The following NRG1 variants were observed in gnomAD, a reference collection of about 807,000 sequenced individuals.
The protein encoded by NRG1 is neuregulin 1, also known as pro-neuregulin-1, membrane-bound isoform.
A neutral mutation model predicts 63.8 loss-of-function variants in NRG1; 18 were observed. The observed-to-expected ratio is 0.28, with a 90% CI of 0.19 to 0.42. The LOEUF (loss-of-function observed/expected upper bound fraction) is 0.42, where lower values mean the gene tolerates loss of function less well. NRG1 is among the 10% of genes least tolerant of loss of function. NRG1 has a pLI of 1.00. For missense variants in NRG1, 762 were observed against 814.7 expected (o/e 0.94, Z 0.79); for synonymous variants, 302 against 301.3 (o/e 1.00, Z -0.02).
At chr8:31,959,320 A>G (rs377201028) in intron 1 of NRG1, among the ~76,000 whole-genome samples, 54 of 152,308 alleles carry the variant, frequency 3.5e-4, no homozygotes, top group East Asian at 1.4e-3. Context: ...GTATAAAACT[A>G]TCAGTCAGGT....
At chr8:31,986,939 A>T (rs1170793307) in intron 1 of NRG1, among the ~76,000 whole-genome samples, 1 of 152,152 alleles carries the variant, frequency 6.6e-6, no homozygotes, top group East Asian at 1.9e-4. Flanking sequence ...ATTCAAGTAG[A>T]GTGCTATAAT....
Position 31,841,874 on chromosome 8 carries a change from T to C in NRG1, c.37+202443T>C, listed in dbSNP as rs74464213. On this transcript the variant is annotated intron_variant, in intron 1 of 10. Transcript: ENST00000519301. ...CAGATAACATCAGGCTGCAGAGTTTTAGAGACCAACTCCTTCAGTGATTTT... is the reference window on the plus strand; with the variant it reads ...CAGATAACATCAGGCTGCAGAGTTTCAGAGACCAACTCCTTCAGTGATTTT... Among the ~76,000 whole-genome samples the C allele has an allele frequency of 4.8e-3, 725 of 152,300 alleles. 8 individuals carry two copies. Among genetic ancestry groups the C allele is most frequent in the African/African-American group, 0.016 (683 of 41,564 alleles).
chr8:32,726,075 T>C (rs1019405937), intron 5 of NRG1, among the ~76,000 whole-genome samples: 1 of 152,162 alleles, frequency 6.6e-6, no homozygotes, highest in Non-Finnish European at 1.5e-5. Flanking sequence ...TGCCTTGAAA[T>C]GTATTTTGAA....
intron 1 of NRG1, among the ~76,000 whole-genome samples, chr8:32,477,674 A>C (rs977671796): frequency 6.6e-6 from 1 of 152,172 alleles, no homozygotes; most frequent in Non-Finnish European, 1.5e-5. Context: ...AGTAGGTTAG[A>C]TGGGGTGGTG....
chr8:31,652,994 CCTCTCCTCT>C (rs1200010259), intron 1 of NRG1, among the ~76,000 whole-genome samples: 9 of 87,944 alleles, frequency 1.0e-4, no homozygotes, highest in African/African-American at 1.7e-4. Flanking sequence ...CCTCTCCTCT[CCTCTCCTCT>C]CCTCCCCTCC....
intron 1 of NRG1, among the ~76,000 whole-genome samples, chr8:32,137,706 C>T (rs1356083032): frequency 2.0e-5 from 3 of 152,010 alleles, no homozygotes; most frequent in African/African-American, 7.2e-5. Flanking sequence ...CCTTGATAAC[C>T]CCTGATGCAC....
intron 1 of NRG1, among the ~76,000 whole-genome samples, chr8:31,684,801 A>G (rs2131084376): frequency 6.6e-6 from 1 of 152,260 alleles, no homozygotes. Context: ...GAAAAATATA[A>G]ATAGCATACC....
intron 1 of NRG1, among the ~76,000 whole-genome samples, chr8:31,994,714 G>A (rs572113299): frequency 6.8e-6 from 1 of 146,098 alleles, no homozygotes; most frequent in East Asian, 2.1e-4. Context: ...AAGCTGCTTG[G>A]TAATACCTTA....
chr8:32,295,695 A>T (rs1289120351), intron 1 of NRG1, among the ~76,000 whole-genome samples: 3 of 152,162 alleles, frequency 2.0e-5, no homozygotes, highest in Non-Finnish European at 2.9e-5. Context: ...TCACGCCTGT[A>T]ATCCCAGCAC....
chr8:32,720,820 A>C (rs1265565370), intron 5 of NRG1, among the ~76,000 whole-genome samples: 3 of 152,148 alleles, frequency 2.0e-5, no homozygotes, highest in African/African-American at 4.8e-5. Flanking sequence ...CAGAAAAAAA[A>C]CAGCAACTTG....
intron 1 of NRG1, among the ~76,000 whole-genome samples, chr8:31,898,576 C>T (rs913986555): frequency 4.6e-5 from 7 of 152,092 alleles, no homozygotes; most frequent in Non-Finnish European, 1.0e-4. Flanking sequence ...CAGTGGTGCA[C>T]ACCTGTAATC....
intron 1 of NRG1, among the ~76,000 whole-genome samples, chr8:31,846,636 T>C (rs1017660738): frequency 6.6e-6 from 1 of 152,196 alleles, no homozygotes; most frequent in Non-Finnish European, 1.5e-5. Flanking sequence ...TGGAACATAA[T>C]GTACAATGGA....
chr8:31,655,124 G>A (rs1805303642), intron 1 of NRG1, among the ~76,000 whole-genome samples: 1 of 152,096 alleles, frequency 6.6e-6, no homozygotes, highest in Admixed American at 6.6e-5. Flanking sequence ...AACAAATGTA[G>A]GTGGCTAATA....
intron 1 of NRG1, among the ~76,000 whole-genome samples, chr8:32,394,029 T>A (rs1197789934): frequency 6.6e-6 from 1 of 152,216 alleles, no homozygotes; most frequent in Non-Finnish European, 1.5e-5. Flanking sequence ...CGTGCATCTC[T>A]TATTCCTTCT....
At chr8:32,420,158 C>CACACACAAGCA (rs1816510028) in intron 1 of NRG1, among the ~76,000 whole-genome samples, 1 of 152,136 alleles carries the variant, frequency 6.6e-6, no homozygotes, top group Non-Finnish European at 1.5e-5. Context: ...CAAGGACTTT[C>CACACACAAGCA]AGTGTGACCA....
chr8:32,414,959 T>G (rs975562259), intron 1 of NRG1, among the ~76,000 whole-genome samples: 1 of 152,134 alleles, frequency 6.6e-6, no homozygotes, highest in Non-Finnish European at 1.5e-5. Flanking sequence ...ATCTCATCCA[T>G]GTCCTTCATT....
chr8:32,748,356 CACAGAGAG>C (rs1335974983), intron 7 of NRG1, among the ~76,000 whole-genome samples: 2 of 81,000 alleles, frequency 2.5e-5, no homozygotes, highest in Non-Finnish European at 5.5e-5. Flanking sequence ...CACACACACA[CACAGAGAG>C]AGAGAGAGAG....
rs114985976 is a variant in NRG1 at position 31,810,650 on chromosome 8, C to G, written c.37+171219C>G. ...TGCACCTCCTCAGAAAAGGATTGCT[C>G]TCATCCAGTTATCATCCACTGTCCC... On this transcript the variant is annotated intron_variant, in intron 1 of 10. Coordinates refer to the NRG1 transcript ENST00000519301. 3.8e-3 allele frequency among the ~76,000 whole-genome samples: 585 copies of G among 152,286 alleles called. 4 individuals are homozygous for G. Among genetic ancestry groups the G allele is most frequent in the African/African-American group, 0.014 (561 of 41,548 alleles).
At chr8:32,729,786 G>A (rs1249700342) in intron 6 of NRG1, among the ~76,000 whole-genome samples, 1 of 152,118 alleles carries the variant, frequency 6.6e-6, no homozygotes, top group African/African-American at 2.4e-5. Flanking sequence ...GATCGAAAAT[G>A]CCATTTTGTA....
Sources: allele counts gnomAD v4.1 joint callset (sites outside exome capture counted in the v4.1 genomes callset), GRCh38; gene constraint gnomAD v4.1.1; transcripts MANE v1.5; gene names NCBI Gene and HGNC (gene_info 2026-07-23, HGNC 2026-07-21).